Variants in OCA2 observed in about 807,000 individuals in gnomAD.
OCA2 encodes the protein P protein.
OCA2 carries 77 observed loss-of-function variants against 100.2 expected under a neutral mutation model. The ratio of observed to expected loss-of-function variants is 0.77; its 90% CI spans 0.64 to 0.93. The LOEUF (loss-of-function observed/expected upper bound fraction) is 0.93. Ranked by LOEUF, OCA2 falls within the 40% of genes least tolerant of loss-of-function variation. The pLI is 0.00. For synonymous variants in OCA2, 432 were observed against 439.2 expected, an observed-to-expected ratio of 0.98 and a Z score of 0.21; for missense variants, 1,062 against 1,089.1, an observed-to-expected ratio of 0.98 and a Z score of 0.35.
intron 1 of OCA2, among the ~76,000 whole-genome samples, chr15:28,083,832 G>C (rs2044724645): frequency 6.6e-6 from 1 of 152,206 alleles, no homozygotes; most frequent in Non-Finnish European, 1.5e-5. Context: ...CACAAATTAT[G>C]TAACTGGTCC....
At chr15:28,092,815 C>CA (rs1432293513) in intron 1 of OCA2, among the ~76,000 whole-genome samples, 1 of 151,998 alleles carries the variant, frequency 6.6e-6, no homozygotes, top group Non-Finnish European at 1.5e-5. Flanking sequence ...CATGATAAAA[C>CA]AAAAACTCTA....
intron 23 of OCA2, among the ~76,000 whole-genome samples, chr15:27,786,487 G>A (rs2032822223): frequency 6.6e-6 from 1 of 152,150 alleles, no homozygotes; most frequent in Admixed American, 6.5e-5. Flanking sequence ...TGTTTGCAGT[G>A]TACATGTCTT....
chr15:27,729,457 T>C, the OCA2 span, among the ~76,000 whole-genome samples: 43 of 152,350 alleles, frequency 2.8e-4, no homozygotes, highest in South Asian at 1.2e-3. Flanking sequence ...AAATATGTAT[T>C]AGCCTTCTAT....
At chr15:27,868,573 T>C (rs1028515964) in intron 21 of OCA2, among the ~76,000 whole-genome samples, 7 of 152,080 alleles carry the variant, frequency 4.6e-5, no homozygotes, top group Admixed American at 6.5e-5. Context: ...GGGAGGGGGA[T>C]GGGCAGAGGC....
intron 2 of OCA2, among the ~76,000 whole-genome samples, chr15:28,034,151 G>A (rs913861031): frequency 6.6e-6 from 1 of 151,906 alleles, no homozygotes; most frequent in Admixed American, 6.6e-5. Context: ...AATTGTCTGG[G>A]CATAGTGGTG....
intron 16 of OCA2, among the ~76,000 whole-genome samples, chr15:27,955,577 CTT>C (rs1449185480): frequency 2.0e-5 from 3 of 152,158 alleles, no homozygotes; most frequent in African/African-American, 7.2e-5. Flanking sequence ...TCCTGAATCT[CTT>C]TGTTTCCAAA....
chr15:27,979,313 A>G (rs1399710986), intron 14 of OCA2, among the ~76,000 whole-genome samples: 1 of 152,248 alleles, frequency 6.6e-6, no homozygotes, highest in African/African-American at 2.4e-5. Flanking sequence ...CAGTAAGTTT[A>G]TCTGGATGTA....
chr15:27,938,195 C>T (rs967988027), intron 18 of OCA2, among the ~76,000 whole-genome samples: 1 of 152,172 alleles, frequency 6.6e-6, no homozygotes, highest in Non-Finnish European at 1.5e-5. Flanking sequence ...CTGAACCTTA[C>T]ATAGATTAGG....
chr15:27,851,709 C>A (rs1386012959), intron 21 of OCA2, among the ~76,000 whole-genome samples: 1 of 152,160 alleles, frequency 6.6e-6, no homozygotes, highest in Admixed American at 6.5e-5. Context: ...CTGAGCCCTG[C>A]CAGCTGTTGT....
At chr15:28,009,307 CTAG>C (rs951203508) in intron 9 of OCA2, among the ~76,000 whole-genome samples, 2 of 152,162 alleles carry the variant, frequency 1.3e-5, no homozygotes, top group Non-Finnish European at 2.9e-5. Flanking sequence ...GCAAGTTACA[CTAG>C]TATTATAAGA....
At chr15:28,006,052 A>T (rs2042081756) in intron 9 of OCA2, among the ~76,000 whole-genome samples, 1 of 152,124 alleles carries the variant, frequency 6.6e-6, no homozygotes, top group Admixed American at 6.5e-5. Flanking sequence ...TCTGTGCTTG[A>T]TGTCCTCAAC....
At chr15:27,784,052 G>C (rs899854615) in intron 23 of OCA2, among the ~76,000 whole-genome samples, 1 of 152,232 alleles carries the variant, frequency 6.6e-6, no homozygotes, top group Non-Finnish European at 1.5e-5. Flanking sequence ...AAGGCTGAAA[G>C]TTAACCAGAA....
At chr15:28,052,831 T>C (rs2043557445) in intron 2 of OCA2, among the ~76,000 whole-genome samples, 2 of 152,216 alleles carry the variant, frequency 1.3e-5, no homozygotes, top group Admixed American at 1.3e-4. Flanking sequence ...CAATGGGTAC[T>C]GGCCCAGGTG....
At chr15:27,729,752 G>A in the OCA2 span, among the ~76,000 whole-genome samples, 4 of 152,066 alleles carry the variant, frequency 2.6e-5, no homozygotes, top group Non-Finnish European at 5.9e-5. Flanking sequence ...TCTTTGTTGG[G>A]GCATTATTCT....
At chr15:28,022,377 C>A (rs2097520035) in intron 6 of OCA2, 124 bp downstream of exon 6, 1 of 611,862 alleles carries the variant, frequency 1.6e-6, no homozygotes, top group Non-Finnish European at 2.7e-6. Context: ...CCTGGAGAAA[C>A]AAAATTCGAG....
intron 19 of OCA2, among the ~76,000 whole-genome samples, chr15:27,919,378 A>C (rs2140322060): frequency 6.6e-6 from 1 of 152,328 alleles, no homozygotes; most frequent in Middle Eastern, 3.4e-3. Flanking sequence ...AGATGTCCTT[A>C]AGTCATGGTG....
At chr15:27,817,647 G>A (rs1205827036) in intron 23 of OCA2, among the ~76,000 whole-genome samples, 2 of 152,072 alleles carry the variant, frequency 1.3e-5, no homozygotes, top group East Asian at 3.9e-4. Context: ...CAGAACCCCA[G>A]GAGATGGATT....
chr15:28,060,774 G>C (rs1246020859), intron 2 of OCA2, among the ~76,000 whole-genome samples: 4 of 152,234 alleles, frequency 2.6e-5, no homozygotes, highest in South Asian at 2.1e-4. Flanking sequence ...GCCCTGCCAT[G>C]ATGGTGAAAA....
chr15:27,762,584 G>A (rs1484260944), intron 23 of OCA2, among the ~76,000 whole-genome samples: 1 of 152,176 alleles, frequency 6.6e-6, no homozygotes, highest in Non-Finnish European at 1.5e-5. Flanking sequence ...GTGTGGATTA[G>A]CATGCCCCCT....
Sources: allele counts gnomAD v4.1 joint callset (sites outside exome capture counted in the v4.1 genomes callset), GRCh38; gene constraint gnomAD v4.1.1; transcripts MANE v1.5; gene names NCBI Gene and HGNC (gene_info 2026-07-23, HGNC 2026-07-21).